KIRREL3: variants seen among roughly 807,000 people sequenced by gnomAD.
KIRREL3 encodes the protein kin of IRRE-like protein 3.
KIRREL3 carries 36 observed loss-of-function variants against 89.7 expected under a neutral mutation model. The ratio of observed to expected loss-of-function variants is 0.40; its 90% CI spans 0.31 to 0.53. KIRREL3 has a LOEUF of 0.53. Ranked by LOEUF, KIRREL3 falls within the 20% of genes least tolerant of loss-of-function variation. The pLI is 0.49. For missense variants in KIRREL3, 864 were observed against 1,056.6 expected (o/e 0.82, Z 2.53); for synonymous variants, 445 against 441.4 (o/e 1.01, Z -0.10).
chr11:126,598,946 C>T (rs1591798262), intron 1 of KIRREL3, among the ~76,000 whole-genome samples: 1 of 152,184 alleles, frequency 6.6e-6, no homozygotes, highest in Non-Finnish European at 1.5e-5. Flanking sequence ...GCAGTGGCTG[C>T]CTCCCTCCCA....
upstream of KIRREL3, among the ~76,000 whole-genome samples, chr11:127,001,602 C>T (rs1324949654): frequency 6.6e-6 from 1 of 152,118 alleles, no homozygotes; most frequent in Admixed American, 6.6e-5. Flanking sequence ...TCATAGACAA[C>T]TGCGTCCTAA....
rs1283257243 is a variant in KIRREL3 at position 126,969,153 on chromosome 11, A to G, written c.55+31302T>C. ...AGGAGGGCGCTCAGGGGCCAATCAA[A>G]CGACTTCTAAACCGCGAAAACAGGC... On this transcript the variant is annotated intron_variant, in intron 1 of 16. Transcript: ENST00000525144. The surrounding 1 kb of genome is among the most constrained non-coding windows in gnomAD (Gnocchi z 4.9). Among the ~76,000 whole-genome samples, 1 of 152,102 alleles carries G rather than the reference A, an allele frequency of 6.6e-6. No individual in the cohort carries two copies. The highest frequency in any genetic ancestry group is 1.5e-5 in the Non-Finnish European group (1 of 68,012).
At chr11:126,467,748 C>T (rs924128471) in intron 5 of KIRREL3, among the ~76,000 whole-genome samples, 1 of 151,976 alleles carries the variant, frequency 6.6e-6, no homozygotes, top group East Asian at 1.9e-4. Flanking sequence ...GTGGAGGATG[C>T]GCAGTGCTTT....
chr11:126,962,165 C>T (rs1422476717), intron 1 of KIRREL3, among the ~76,000 whole-genome samples: 5 of 152,198 alleles, frequency 3.3e-5, no homozygotes, highest in Non-Finnish European at 7.3e-5. Context: ...TTTCAAGTCT[C>T]ATTATTTAAA....
At chr11:126,596,584 T>A (rs1942407646) in intron 1 of KIRREL3, among the ~76,000 whole-genome samples, 1 of 152,252 alleles carries the variant, frequency 6.6e-6, no homozygotes, top group Non-Finnish European at 1.5e-5. Context: ...AGTGATCTGA[T>A]GTGGCTAGGT....
At chr11:126,866,251 A>G (rs1026771323) in intron 1 of KIRREL3, among the ~76,000 whole-genome samples, 2 of 152,224 alleles carry the variant, frequency 1.3e-5, no homozygotes, top group Non-Finnish European at 2.9e-5. Context: ...AGGATAGGAA[A>G]GTGGTTGATG....
chr11:126,426,815 G>A (rs1954956658), intron 15 of KIRREL3, among the ~76,000 whole-genome samples: 2 of 152,242 alleles, frequency 1.3e-5, no homozygotes, highest in African/African-American at 2.4e-5. Context: ...CCACCCGGCT[G>A]CCTCCTCACT....
At chr11:126,847,040 A>G (rs1334945271) in intron 1 of KIRREL3, among the ~76,000 whole-genome samples, 1 of 152,210 alleles carries the variant, frequency 6.6e-6, no homozygotes, top group Non-Finnish European at 1.5e-5. Flanking sequence ...TAAAAGGTTT[A>G]TGAAGATCTT....
At position 126,855,735 on chromosome 11, in the gene KIRREL3, G is replaced by A. The variant is rs190638197; in HGVS notation, c.55+144720C>T. On this transcript the variant is annotated intron_variant, in intron 1 of 16. Coordinates refer to ENST00000525144, the MANE Select transcript of KIRREL3 (RefSeq NM_032531.4). ...AGAGCTTATCCTCCTTTGCTTCCCT[G>A]GCTGTGAGTTTGGGTGAGGTCTAAT... Among the ~76,000 whole-genome samples, 455 of 152,284 alleles carry A rather than the reference G, an allele frequency of 3.0e-3. 8 individuals carry two copies. The highest frequency in any genetic ancestry group is 1.6e-3 in the Non-Finnish European group (107 of 68,028).
intron 1 of KIRREL3, among the ~76,000 whole-genome samples, chr11:126,660,012 A>G (rs1245249990): frequency 6.6e-6 from 1 of 152,116 alleles, no homozygotes; most frequent in Admixed American, 6.6e-5. Flanking sequence ...AGCATGATAA[A>G]AATTTGGGGT....
Position 127,000,352 on chromosome 11 carries a change from T to A in KIRREL3, c.55+103A>T. The A allele has an allele frequency of 1.1e-6, 1 of 872,126 alleles. No homozygotes were observed. The highest frequency in any genetic ancestry group is 1.8e-6 in the Non-Finnish European group (1 of 563,942). The allele number at this position is 872,126 out of a possible 1,614,324, so 54.0% of individuals were successfully genotyped here. A position where few individuals can be genotyped will look rare whatever the true frequency, so the allele number is the denominator to read the frequency against. On this transcript the variant is annotated intron_variant, in intron 1 of 16. Transcript: ENST00000525144. The surrounding 1 kb of genome is among the most constrained non-coding windows in gnomAD (Gnocchi z 7.1). ...AGCCCGGCACCGAGAGACGCATCCA[T>A]CAGTCCGAGTTCCCGAAGCCTGCCC...
At chr11:126,690,914 G>C (rs903807916) in intron 1 of KIRREL3, among the ~76,000 whole-genome samples, 2 of 152,216 alleles carry the variant, frequency 1.3e-5, no homozygotes, top group Non-Finnish European at 2.9e-5. Context: ...ACTGTGCGAA[G>C]TCAGTTACGT....
intron 1 of KIRREL3, among the ~76,000 whole-genome samples, chr11:126,784,628 A>G (rs1167390565): frequency 6.6e-6 from 1 of 150,704 alleles, no homozygotes; most frequent in African/African-American, 2.5e-5. Context: ...CATAGTACTA[A>G]TTGGTGCTAG....
chr11:126,974,417 T>C (rs1392631009), intron 1 of KIRREL3, among the ~76,000 whole-genome samples: 1 of 151,852 alleles, frequency 6.6e-6, no homozygotes, highest in Non-Finnish European at 1.5e-5. Context: ...TGTAGCCTAT[T>C]ACACACCTAG....
rs1565424085 is a variant in KIRREL3, at chr11:126,923,248, TCTTCTTCTTCTTCTTCTTCTCCTTCTC to T, written c.55+77180_55+77206del. Among the ~76,000 whole-genome samples the T allele has an allele frequency of 4.8e-4, 31 of 64,648 alleles. 2 individuals are homozygous for T. Among genetic ancestry groups the T allele is most frequent in the South Asian group, 7.5e-4 (1 of 1,340 alleles). The allele number at this position is 64,648 out of a possible 152,430, so 42.4% of individuals were successfully genotyped here. A position where few individuals can be genotyped will look rare whatever the true frequency, so the allele number is the denominator to read the frequency against. On this transcript the variant is annotated intron_variant, in intron 1 of 16. Transcript: ENST00000525144. ...TTCTTCTTCTTCTTCTTCTTCTTCTTCTTCTTCTTCTTCTTCTTCTCCTTCTCCTTCTCCTTCTCCTTCTCCTTCTTC... is the reference window on the plus strand; with the variant it reads ...TTCTTCTTCTTCTTCTTCTTCTTCTTCTTCTCCTTCTCCTTCTCCTTCTTC...
chr11:126,985,096 T>C lies in KIRREL3; in HGVS notation c.55+15359A>G, dbSNP rs1949823804. Among the ~76,000 whole-genome samples the C allele has an allele frequency of 6.6e-6, 1 of 152,184 alleles. No homozygotes were observed. The highest frequency in any genetic ancestry group is 1.5e-5 in the Non-Finnish European group (1 of 68,040). On this transcript the variant is annotated intron_variant, in intron 1 of 16. Coordinates refer to ENST00000525144, the MANE Select transcript of KIRREL3 (RefSeq NM_032531.4). The surrounding 1 kb of genome is among the most constrained non-coding windows in gnomAD (Gnocchi z 5.3). ...CACATGCAAGGAAGGATTAAATTAT[T>C]ATCACCTTTTCCCCAAGGAGGACTC...
chr11:126,533,395 G>A (rs1294387752), intron 2 of KIRREL3, among the ~76,000 whole-genome samples: 3 of 152,126 alleles, frequency 2.0e-5, no homozygotes, highest in African/African-American at 7.2e-5. Flanking sequence ...ACTGCCCTTG[G>A]CCAGTACTGA....
intron 1 of KIRREL3, among the ~76,000 whole-genome samples, chr11:126,815,891 C>T (rs1452864992): frequency 6.6e-6 from 1 of 152,050 alleles, no homozygotes; most frequent in Non-Finnish European, 1.5e-5. Flanking sequence ...TTTGAGGCAG[C>T]TCTTGTTGAC....
rs957552794 is a variant in KIRREL3, at chr11:126,905,661, C to T, written c.55+94794G>A. Reference sequence around the variant, plus strand: ...TGATTCGGTGTGCTAAATGGCATGTCTCCATTCTCCAATCTGTCTGGCCAT... The same window carrying T: ...TGATTCGGTGTGCTAAATGGCATGTTTCCATTCTCCAATCTGTCTGGCCAT... On this transcript the variant is annotated intron_variant, in intron 1 of 16. Coordinates refer to ENST00000525144, the MANE Select transcript of KIRREL3 (RefSeq NM_032531.4). This position sits in a 1 kb window ranked among gnomAD's most constrained non-coding sequence, Gnocchi z 5.0. 1.3e-4 allele frequency among the ~76,000 whole-genome samples: 20 copies of T among 152,096 alleles called. No individual in the cohort carries two copies. The highest frequency in any genetic ancestry group is 1.2e-3 in the Admixed American group (18 of 15,276).
Sources: gnomAD v4.1 joint callset for allele counts (sites outside exome capture counted in the v4.1 genomes callset) on GRCh38, gnomAD v4.1.1 for gene constraint, Gnocchi (gnomAD v3.1) non-coding constraint, MANE v1.5 for transcripts, NCBI Gene and HGNC (gene_info 2026-07-23, HGNC 2026-07-21) for gene names.